Variants in IL1RAPL1 observed in about 807,000 individuals in gnomAD.
The protein encoded by IL1RAPL1 is interleukin 1 receptor accessory protein like 1, also known as interleukin-1 receptor accessory protein-like 1.
IL1RAPL1 carries 3 observed loss-of-function variants against 48.4 expected under a neutral mutation model. The observed-to-expected ratio is 0.06, with a 90% CI of 0.03 to 0.16. The LOEUF is 0.16. Ranked by LOEUF, IL1RAPL1 falls within the 10% of genes least tolerant of loss-of-function variation. The pLI, the probability that IL1RAPL1 is intolerant of heterozygous loss-of-function variation, is 1.00. For synonymous variants in IL1RAPL1, 185 were observed against 187.7 expected, an observed-to-expected ratio of 0.99 and a Z score of 0.12; for missense variants, 349 against 530.6, an observed-to-expected ratio of 0.66 and a Z score of 3.36.
intron 3 of IL1RAPL1, among the ~76,000 whole-genome samples, chrX:29,340,775 C>G (rs913175719): frequency 2.7e-5 from 3 of 111,828 alleles, no homozygotes; most frequent in Middle Eastern, 4.2e-3. Flanking sequence ...CAACATAACA[C>G]AAGGATGATG....
chrX:28,655,936 C>T (rs985779193), intron 1 of IL1RAPL1, among the ~76,000 whole-genome samples: 8 of 111,601 alleles, frequency 7.2e-5, no homozygotes, highest in African/African-American at 2.6e-4. Flanking sequence ...AAATTGGAAA[C>T]AAAAGACAGA....
chrX:29,749,315 T>A (rs1318342845), intron 6 of IL1RAPL1, among the ~76,000 whole-genome samples: 1 of 112,347 alleles, frequency 8.9e-6, no homozygotes, highest in Non-Finnish European at 1.9e-5. Flanking sequence ...GTCACCATTT[T>A]TAAAGTGTAG....
chrX:28,990,570 C>T (rs181710603), intron 2 of IL1RAPL1, among the ~76,000 whole-genome samples: 1 of 111,732 alleles, frequency 8.9e-6, no homozygotes, highest in African/African-American at 3.2e-5. Flanking sequence ...TGACCTATAA[C>T]TAAGAATGAG....
At chrX:29,000,171 A>G (rs1412847591) in intron 2 of IL1RAPL1, among the ~76,000 whole-genome samples, 1 of 111,183 alleles carries the variant, frequency 9.0e-6, no homozygotes, top group East Asian at 2.8e-4. Context: ...GGAGAAATTA[A>G]TCTCCATCCT....
At chrX:28,954,438 G>A (rs1356177386) in intron 2 of IL1RAPL1, among the ~76,000 whole-genome samples, 1 of 108,740 alleles carries the variant, frequency 9.2e-6, no homozygotes, top group Non-Finnish European at 1.9e-5. Flanking sequence ...TTCAACCTGT[G>A]TGTGACTGGA....
chrX:29,306,860 C>CAAA (rs1168897352), intron 3 of IL1RAPL1, among the ~76,000 whole-genome samples: 9 of 28,572 alleles, frequency 3.1e-4, no homozygotes, highest in East Asian at 1.2e-3. Context: ...GACTCTGTCT[C>CAAA]AAAAAAAAAA....
intron 6 of IL1RAPL1, among the ~76,000 whole-genome samples, chrX:29,686,428 G>A (rs964700287): frequency 1.8e-5 from 2 of 110,286 alleles, no homozygotes; most frequent in Non-Finnish European, 3.8e-5. Flanking sequence ...AACTGTCTAT[G>A]GCAATGATTC....
chrX:28,743,735 CTTAT>C (rs10659899), intron 1 of IL1RAPL1, among the ~76,000 whole-genome samples: 77 of 107,130 alleles, frequency 7.2e-4, no homozygotes, highest in African/African-American at 2.1e-3. Flanking sequence ...CATTCGTTTG[CTTAT>C]TTATTTATTT....
intron 2 of IL1RAPL1, among the ~76,000 whole-genome samples, chrX:29,055,056 C>G (rs1927181107): frequency 1.8e-5 from 2 of 111,480 alleles, no homozygotes; most frequent in African/African-American, 6.5e-5. Flanking sequence ...CAATATTTAG[C>G]CTTTCAAAAT....
At chrX:29,333,456 C>T (rs1373902874) in intron 3 of IL1RAPL1, among the ~76,000 whole-genome samples, 3 of 74,787 alleles carry the variant, frequency 4.0e-5, no homozygotes, top group African/African-American at 1.5e-4. Flanking sequence ...GGCAGAGGGG[C>T]TCCTCACTTC....
chrX:29,590,630 C>T (rs1923339798), intron 5 of IL1RAPL1, among the ~76,000 whole-genome samples: 1 of 111,657 alleles, frequency 9.0e-6, no homozygotes. Context: ...GCCCATGCTC[C>T]TTGACTCTGC....
chrX:28,813,141 T>C (rs144417012), intron 2 of IL1RAPL1, among the ~76,000 whole-genome samples: 105 of 111,629 alleles, frequency 9.4e-4, no homozygotes, highest in African/African-American at 3.0e-3. Flanking sequence ...CAAGTTTCTC[T>C]CAACTGATTT....
intron 6 of IL1RAPL1, among the ~76,000 whole-genome samples, chrX:29,790,117 T>C (rs1176655570): frequency 9.0e-6 from 1 of 111,613 alleles, no homozygotes; most frequent in Non-Finnish European, 1.9e-5. Flanking sequence ...CATGACCATT[T>C]ACTCGGTGCC....
At chrX:29,619,779 G>A (rs765977938) in intron 5 of IL1RAPL1, among the ~76,000 whole-genome samples, 138 of 111,660 alleles carry the variant, frequency 1.2e-3, no homozygotes, top group Middle Eastern at 9.2e-3. Flanking sequence ...AAATTAAAAT[G>A]TGTGAGCTGT....
intron 2 of IL1RAPL1, among the ~76,000 whole-genome samples, chrX:29,241,787 A>G (rs997466225): frequency 5.3e-5 from 6 of 112,219 alleles, no homozygotes; most frequent in African/African-American, 1.9e-4. Flanking sequence ...TGTATATGGA[A>G]TAGACTTGAT....
chrX:29,828,002 A>T (rs937681940), intron 6 of IL1RAPL1, among the ~76,000 whole-genome samples: 3 of 112,054 alleles, frequency 2.7e-5, no homozygotes, highest in African/African-American at 9.7e-5. Flanking sequence ...AAGTTGTCTA[A>T]GCTGTAGGCC....
chrX:28,831,070 G>GTGTGTGTC (rs1569182074), intron 2 of IL1RAPL1, among the ~76,000 whole-genome samples: 1 of 90,678 alleles, frequency 1.1e-5, no homozygotes, highest in Non-Finnish European at 2.1e-5. Context: ...GTGTGTGTGT[G>GTGTGTGTC]TGTGTGTCTG....
At chrX:29,069,033 C>T (rs1007584272) in intron 2 of IL1RAPL1, among the ~76,000 whole-genome samples, 2 of 112,019 alleles carry the variant, frequency 1.8e-5, no homozygotes, top group Non-Finnish European at 3.8e-5. Context: ...TCTCTCCCAG[C>T]GAATACAGTT....
At chrX:28,892,614 CAG>C (rs773717838) in intron 2 of IL1RAPL1, among the ~76,000 whole-genome samples, 16 of 110,598 alleles carry the variant, frequency 1.4e-4, no homozygotes, top group East Asian at 1.4e-3. Flanking sequence ...TAAAACAAAA[CAG>C]TGTTGAAGTG....
Sources: gnomAD v4.1 joint callset for allele counts (sites outside exome capture counted in the v4.1 genomes callset) on GRCh38, gnomAD v4.1.1 for gene constraint, MANE v1.5 for transcripts, NCBI Gene and HGNC (gene_info 2026-07-23, HGNC 2026-07-21) for gene names.